Variants in SETD7 observed in about 807,000 individuals in gnomAD.
SETD7 encodes the protein histone-lysine N-methyltransferase SETD7.
In SETD7, 16 loss-of-function variants were observed where a neutral mutation model predicts 41.8. The observed-to-expected ratio is 0.38, with a 90% CI of 0.26 to 0.58. The LOEUF (loss-of-function observed/expected upper bound fraction) is 0.58. SETD7 is among the 20% of genes least tolerant of loss of function. The pLI, the probability that SETD7 is intolerant of heterozygous loss-of-function variation, is 0.64. For synonymous variants in SETD7, 163 were observed against 169.7 expected (o/e 0.96, Z 0.31); for missense variants, 346 against 459.7 (o/e 0.75, Z 2.26).
At chr4:139,535,178 T>C in intron 2 of SETD7, among the ~76,000 whole-genome samples, 1 of 151,368 alleles carries the variant, frequency 6.6e-6, no homozygotes, top group South Asian at 2.1e-4. Context: ...GACATAATGA[T>C]GTAATTTATG....
rs1279965499 is a variant in SETD7 at position 139,555,410 on chromosome 4, G to C, written c.40+688C>G. On this transcript the variant is annotated intron_variant, in intron 1 of 7. Transcript: ENST00000274031. The surrounding 1 kb of genome is among the most constrained non-coding windows in gnomAD (Gnocchi z 4.0). The stretch of plus-strand genomic sequence containing the variant: ...GCTGCATCCCAGCCAAGCAGGAAGG[G>C]GGAGGGGGAGGCCTGACTGAGTTCG... Among the ~76,000 whole-genome samples, 3 of 152,072 alleles carry C rather than the reference G, an allele frequency of 2.0e-5. No individual in the cohort carries two copies. Among genetic ancestry groups the C allele is most frequent in the African/African-American group, 7.2e-5 (3 of 41,430 alleles).
chr4:139,511,736 C>T lies in SETD7; in HGVS notation c.1028G>A (p.Gly343Glu). 3.7e-6 allele frequency: 6 copies of T among 1,614,168 alleles called. No homozygotes were observed. Among genetic ancestry groups the T allele is most frequent in the Non-Finnish European group, 5.1e-6 (6 of 1,180,018 alleles). The change falls in exon 8 of 8, where the codon GGG becomes GAG. Residue 343 changes from glycine (G) to glutamate (E), a missense_variant. Physicochemically the swap from Gly to Glu is moderately conservative, Grantham distance 98. Coordinates refer to ENST00000274031, the MANE Select transcript of SETD7 (RefSeq NM_030648.4). ...VAYGYDHSPP[G>E]KSGPEAPEWY... ...CTCAGGGGCTTCAGGCCCACTCTTCCCGGGGGGGCTGTGGTCATAGCCATA... is the reference window on the plus strand; with the variant it reads ...CTCAGGGGCTTCAGGCCCACTCTTCTCGGGGGGGCTGTGGTCATAGCCATA...
chr4:139,501,169 C>G (rs758867423), downstream of SETD7, among the ~76,000 whole-genome samples: 1 of 152,090 alleles, frequency 6.6e-6, no homozygotes, highest in Non-Finnish European at 1.5e-5. Flanking sequence ...TATCCGTTTC[C>G]CTCACTAAAA....
chr4:139,515,358 T>C (rs1478335061), intron 7 of SETD7, among the ~76,000 whole-genome samples: 1 of 152,168 alleles, frequency 6.6e-6, no homozygotes, highest in Non-Finnish European at 1.5e-5. Flanking sequence ...ATAAACAAAA[T>C]GAAAACCTGC....
chr4:139,504,374 A>G (rs1183882117), downstream of SETD7, among the ~76,000 whole-genome samples: 4 of 152,104 alleles, frequency 2.6e-5, no homozygotes, highest in Non-Finnish European at 4.4e-5. Flanking sequence ...ACCATGATCT[A>G]TCTGTCTATC....
At chr4:139,517,251 G>T (rs1258583409) in intron 7 of SETD7, among the ~76,000 whole-genome samples, 3 of 152,134 alleles carry the variant, frequency 2.0e-5, no homozygotes, top group African/African-American at 7.2e-5. Flanking sequence ...GAGGCTGGTG[G>T]ATCACCTGAG....
intron 1 of SETD7, among the ~76,000 whole-genome samples, chr4:139,554,828 T>C (rs1446620782): frequency 2.6e-5 from 4 of 152,250 alleles, no homozygotes; most frequent in Non-Finnish European, 2.9e-5. Context: ...GGGAGTTATG[T>C]TTATGAAAAC....
chr4:139,519,732 C>T (rs1727127594), intron 6 of SETD7, among the ~76,000 whole-genome samples: 1 of 152,150 alleles, frequency 6.6e-6, no homozygotes, highest in Admixed American at 6.5e-5. Context: ...TGAACTTTTG[C>T]CCTTAGGCAG....
intron 6 of SETD7, among the ~76,000 whole-genome samples, chr4:139,518,783 C>G (rs558161695): frequency 6.6e-5 from 10 of 152,180 alleles, no homozygotes; most frequent in Non-Finnish European, 1.0e-4. Flanking sequence ...CAGGAGGCAG[C>G]CATCGATTAC....
downstream of SETD7, among the ~76,000 whole-genome samples, chr4:139,501,945 C>T (rs564801121): frequency 1.3e-5 from 2 of 152,316 alleles, no homozygotes; most frequent in South Asian, 4.1e-4. Context: ...GGTGGCATCC[C>T]AGAGCAGGCG....
chr4:139,497,380 G>A (rs945013300), intron 7 of SETD7, among the ~76,000 whole-genome samples: 4 of 151,716 alleles, frequency 2.6e-5, no homozygotes, highest in African/African-American at 7.3e-5. Context: ...GCTTAAACAC[G>A]GGAGGCGGAG....
At chr4:139,522,766 T>TTTTTTTTTTTTG (rs1727218435) in intron 5 of SETD7, among the ~76,000 whole-genome samples, 1 of 92,086 alleles carries the variant, frequency 1.1e-5, no homozygotes. Flanking sequence ...TTTTTTTTTT[T>TTTTTTTTTTTTG]CTTTTTAGAT....
At chr4:139,540,087 C>T (rs1046122730) in intron 2 of SETD7, among the ~76,000 whole-genome samples, 1 of 152,038 alleles carries the variant, frequency 6.6e-6, no homozygotes, top group African/African-American at 2.4e-5. Flanking sequence ...AATAATCCAT[C>T]TTTTCCCCTA....
chr4:139,523,716 A>C lies in SETD7; in HGVS notation c.563-281T>G, dbSNP rs1727242288. ...ATGACTTAAAGGATGCTTGGGAATCAATAAAATGCTTTGTCATGAAATTCT... is the reference window on the plus strand; with the variant it reads ...ATGACTTAAAGGATGCTTGGGAATCCATAAAATGCTTTGTCATGAAATTCT... On this transcript the variant is annotated intron_variant, in intron 4 of 7. Coordinates refer to ENST00000274031, the MANE Select transcript of SETD7 (RefSeq NM_030648.4). Among the ~76,000 whole-genome samples the C allele has an allele frequency of 2.0e-5, 3 of 152,350 alleles. No homozygotes were observed. The South Asian group carries it at 6.2e-4, about 32-fold the overall frequency.
intron 7 of SETD7, among the ~76,000 whole-genome samples, chr4:139,513,014 C>T (rs376119714): frequency 6.6e-6 from 1 of 151,986 alleles, no homozygotes; most frequent in South Asian, 2.1e-4. Flanking sequence ...CCACCTTGGC[C>T]TTCTAAAGTG....
At chr4:139,513,435 G>GA (rs1261738448) in intron 7 of SETD7, among the ~76,000 whole-genome samples, 1 of 146,562 alleles carries the variant, frequency 6.8e-6, no homozygotes, top group African/African-American at 2.5e-5. Context: ...AAAAAAAAAA[G>GA]AAAAAAAAGA....
chr4:139,523,461 A>G (rs1288308858), intron 4 of SETD7, 26 bp from the exon 5 acceptor site: 1 of 1,535,926 alleles, frequency 6.5e-7, no homozygotes. Context: ...AAATACCAGT[A>G]TAGGTGCAGA....
intron 2 of SETD7, among the ~76,000 whole-genome samples, chr4:139,544,623 C>T (rs961882955): frequency 6.6e-6 from 1 of 152,148 alleles, no homozygotes; most frequent in Non-Finnish European, 1.5e-5. Context: ...TTGAAGCTAA[C>T]AAGTAGCTCA....
intron 2 of SETD7, among the ~76,000 whole-genome samples, chr4:139,536,641 G>T (rs1727644649): frequency 6.6e-6 from 1 of 152,076 alleles, no homozygotes; most frequent in Non-Finnish European, 1.5e-5. Context: ...GAACCCAGGA[G>T]GCAGAGGTTG....
Sources: allele counts gnomAD v4.1 joint callset (sites outside exome capture counted in the v4.1 genomes callset), GRCh38; gene constraint gnomAD v4.1.1; non-coding constraint Gnocchi (gnomAD v3.1); transcripts MANE v1.5; gene names NCBI Gene and HGNC (gene_info 2026-07-23, HGNC 2026-07-21).